Variants in MYO6 observed in about 807,000 individuals in gnomAD.
MYO6 encodes myosin VI, also known as unconventional myosin-VI.
Under a neutral mutation model 178.7 loss-of-function variants are expected in MYO6, and 74 were observed. That is an observed-to-expected ratio of 0.41 (90% confidence interval 0.34 to 0.50). The LOEUF is 0.50. MYO6 is among the 20% of genes least tolerant of loss of function. The pLI is 0.09. For missense variants in MYO6, 1,330 were observed against 1,547.4 expected, an observed-to-expected ratio of 0.86 and a Z score of 2.36; for synonymous variants, 477 against 504.6, an observed-to-expected ratio of 0.95 and a Z score of 0.73.
chr6:75,810,779 G>GGCCAAGGTTGAGGCCTA (rs1321991574), intron 1 of MYO6, among the ~76,000 whole-genome samples: 1 of 152,234 alleles, frequency 6.6e-6, no homozygotes, highest in African/African-American at 2.4e-5. Context: ...ACGGAGTTAA[G>GGCCAAGGTTGAGGCCTA]GCCAAGGTTG....
intron 6 of MYO6, 132 bp from the exon 7 acceptor site, chr6:75,835,769 A>G (rs1228512424): frequency 1.5e-6 from 1 of 670,008 alleles, no homozygotes; most frequent in Non-Finnish European, 2.7e-6. Flanking sequence ...AAGCTATGAC[A>G]GAATAGTTGC....
intron 11 of MYO6, among the ~76,000 whole-genome samples, chr6:75,851,123 A>G (rs1036759966): frequency 3.3e-5 from 5 of 152,234 alleles, no homozygotes; most frequent in African/African-American, 1.2e-4. Context: ...GTTAGAAGTG[A>G]TAAATGGCAT....
intron 28 of MYO6, chr6:75,894,834 C>T: frequency 3.3e-6 from 5 of 1,517,534 alleles, no homozygotes; most frequent in Non-Finnish European, 4.4e-6. Flanking sequence ...TATCCGGTAA[C>T]TTCTAAGTAA....
chr6:75,782,843 T>C (rs1288705605), intron 1 of MYO6, among the ~76,000 whole-genome samples: 2 of 152,130 alleles, frequency 1.3e-5, no homozygotes, highest in East Asian at 1.9e-4. Context: ...AATTTACTTG[T>C]TGCAAATTTA....
At chr6:75,907,376 G>A (rs146981547) in intron 30 of MYO6, among the ~76,000 whole-genome samples, 104 of 152,260 alleles carry the variant, frequency 6.8e-4, no homozygotes, top group African/African-American at 2.4e-3. Flanking sequence ...AGAATCAAAA[G>A]TTTGGATTTA....
At chr6:75,884,706 G>T (rs1413971008) in intron 23 of MYO6, among the ~76,000 whole-genome samples, 1 of 152,172 alleles carries the variant, frequency 6.6e-6, no homozygotes, top group Non-Finnish European at 1.5e-5. Flanking sequence ...GAAATCATAG[G>T]GGGTCAAAAT....
At chr6:75,901,250 G>T (rs947082752) in intron 30 of MYO6, among the ~76,000 whole-genome samples, 1 of 152,128 alleles carries the variant, frequency 6.6e-6, no homozygotes, top group African/African-American at 2.4e-5. Flanking sequence ...CTTTAAAGTA[G>T]TTTTTTCCAA....
intron 25 of MYO6, 137 bp from the exon 26 acceptor site, chr6:75,889,920 T>A: frequency 1.0e-4 from 74 of 716,046 alleles, no homozygotes; most frequent in Non-Finnish European, 1.2e-4. Context: ...TTATTTTAAA[T>A]TGTAAAAAAC....
chr6:75,894,934 T>A, intron 28 of MYO6: 1 of 861,998 alleles, frequency 1.2e-6, no homozygotes, highest in Non-Finnish European at 1.7e-6. Flanking sequence ...GGTTTCAAAT[T>A]ACCTAAAATT....
intron 3 of MYO6, among the ~76,000 whole-genome samples, chr6:75,824,664 G>A (rs1198174805): frequency 6.6e-6 from 1 of 152,052 alleles, no homozygotes; most frequent in Non-Finnish European, 1.5e-5. Flanking sequence ...TGTAGAGAGT[G>A]TTCTGAAGTA....
chr6:75,871,810 G>A (rs1437555091), intron 19 of MYO6, among the ~76,000 whole-genome samples: 5 of 151,972 alleles, frequency 3.3e-5, no homozygotes, highest in African/African-American at 4.8e-5. Context: ...AGAAAAAAAA[G>A]CATTTCTAAA....
rs1777073664 is a variant in MYO6 at position 75,870,684 on chromosome 6, C to CT, written c.1983dup (p.Gly662TrpfsTer11). The stretch of plus-strand genomic sequence containing the variant: ...TTGCTTCTGGATAAACTTCGAAGTA[C>CT]TGTGAGTATGCTTAAAAAGAAAACA... On this transcript the variant is annotated frameshift_variant and splice_region_variant, in exon 19 of 35. Transcript: ENST00000369977. LOFTEE classifies it high-confidence loss of function. The CT allele has an allele frequency of 6.2e-7, 1 of 1,610,808 alleles. No individual in the cohort carries two copies. Among genetic ancestry groups the CT allele is most frequent in the South Asian group, 1.1e-5 (1 of 91,012 alleles).
At chr6:75,769,008 AAGG>A (rs757251122) in intron 1 of MYO6, among the ~76,000 whole-genome samples, 21 of 151,994 alleles carry the variant, frequency 1.4e-4, no homozygotes, top group Non-Finnish European at 2.2e-4. Context: ...GCAAGAGAAA[AAGG>A]AGGGAAGTGC....
intron 25 of MYO6, among the ~76,000 whole-genome samples, chr6:75,887,903 G>C (rs1249893489): frequency 6.6e-5 from 10 of 150,476 alleles, no homozygotes; most frequent in Non-Finnish European, 1.0e-4. Flanking sequence ...GGAGTGAACC[G>C]GGGGGGCGGA....
intron 30 of MYO6, among the ~76,000 whole-genome samples, chr6:75,899,831 C>A (rs1779600210): frequency 6.7e-6 from 1 of 149,686 alleles, no homozygotes; most frequent in African/African-American, 2.5e-5. Flanking sequence ...GTGCGCTGCA[C>A]CCACTAACTC....
intron 29 of MYO6, among the ~76,000 whole-genome samples, chr6:75,895,482 A>C (rs1429119391): frequency 6.6e-6 from 1 of 151,406 alleles, no homozygotes; most frequent in Non-Finnish European, 1.5e-5. Flanking sequence ...TTTAAACTAT[A>C]ATGTAACACC....
chr6:75,777,402 ATTTC>A (rs1238981521), intron 1 of MYO6, among the ~76,000 whole-genome samples: 2 of 151,236 alleles, frequency 1.3e-5, no homozygotes, highest in South Asian at 4.2e-4. Flanking sequence ...TGAGTTTGTG[ATTTC>A]TTTCTCTTTT....
chr6:75,861,508 C>T (rs745341737), intron 15 of MYO6, among the ~76,000 whole-genome samples: 2 of 152,078 alleles, frequency 1.3e-5, no homozygotes, highest in Non-Finnish European at 2.9e-5. Context: ...TTGACAGCAT[C>T]CTCTAACTGG....
At chr6:75,792,988 C>T (rs531172509) in intron 1 of MYO6, among the ~76,000 whole-genome samples, 36 of 151,900 alleles carry the variant, frequency 2.4e-4, no homozygotes, top group South Asian at 1.0e-3. Flanking sequence ...GACAAGATCT[C>T]GTCATGTTGA....
Sources: gnomAD v4.1 joint callset for allele counts (sites outside exome capture counted in the v4.1 genomes callset) on GRCh38, gnomAD v4.1.1 for gene constraint, MANE v1.5 for transcripts, NCBI Gene and HGNC (gene_info 2026-07-23, HGNC 2026-07-21) for gene names.